EDNRB: variants seen among roughly 807,000 people sequenced by gnomAD.
EDNRB encodes the protein Hirschsprung disease 2.
EDNRB carries 18 observed loss-of-function variants against 46.4 expected under a neutral mutation model. The ratio of observed to expected loss-of-function variants is 0.39; its 90% CI spans 0.27 to 0.57. EDNRB has a LOEUF of 0.57. Ranked by LOEUF, EDNRB falls within the 20% of genes least tolerant of loss-of-function variation. The pLI, the probability that EDNRB is intolerant of heterozygous loss-of-function variation, is 0.61. For synonymous variants in EDNRB, 213 were observed against 204.9 expected (o/e 1.04, Z -0.34); for missense variants, 434 against 537.5 (o/e 0.81, Z 1.90).
chr13:77,973,587 G>A (rs918278457), intron 1 of EDNRB, among the ~76,000 whole-genome samples: 7 of 151,466 alleles, frequency 4.6e-5, no homozygotes, highest in Non-Finnish European at 5.9e-5. Flanking sequence ...AAAACAAAAC[G>A]CACATATTTT....
intron 1 of EDNRB, among the ~76,000 whole-genome samples, chr13:77,904,468 G>T (rs1879171847): frequency 6.6e-6 from 1 of 151,882 alleles, no homozygotes; most frequent in African/African-American, 2.4e-5. Context: ...CTAGAACAGT[G>T]CCTGACACAT....
rs12720105 is a variant in EDNRB at position 77,975,416 on chromosome 13, C to A, written c.-121G>T. On this transcript the variant is annotated 5_prime_UTR_variant, in exon 1 of 8. Transcript: ENST00000646948. ...GTTCAGCCACTGTGTTGATCCTCCACGGGGGCCTGCCACACACTGCTCTGG... is the reference window on the plus strand; with the variant it reads ...GTTCAGCCACTGTGTTGATCCTCCAAGGGGGCCTGCCACACACTGCTCTGG... 37,762 of 152,200 alleles carry A rather than the reference C, an allele frequency of 0.25. 5,850 individuals carry two copies. Among genetic ancestry groups the A allele is most frequent in the East Asian group, 0.54 (2,774 of 5,152 alleles). 9.4% of individuals were successfully genotyped at this position (152,200 alleles called of 1,614,324 possible).
At chr13:77,914,572 A>G (rs944924527) in intron 1 of EDNRB, among the ~76,000 whole-genome samples, 23 of 152,184 alleles carry the variant, frequency 1.5e-4, no homozygotes, top group Non-Finnish European at 2.5e-4. Flanking sequence ...GCATGTTTAC[A>G]TGAGTTTAAA....
chr13:77,928,148 C>A (rs1324687071), intron 1 of EDNRB, among the ~76,000 whole-genome samples: 1 of 152,084 alleles, frequency 6.6e-6, no homozygotes, highest in Non-Finnish European at 1.5e-5. Flanking sequence ...AATACAGGTA[C>A]ATTTAATCAT....
At chr13:77,925,059 C>T (rs1374774831) in intron 1 of EDNRB, among the ~76,000 whole-genome samples, 1 of 152,194 alleles carries the variant, frequency 6.6e-6, no homozygotes, top group East Asian at 1.9e-4. Context: ...CCATTTCTTC[C>T]TCCACCCAAT....
chr13:77,927,762 A>G (rs1880277379), intron 1 of EDNRB, among the ~76,000 whole-genome samples: 1 of 152,206 alleles, frequency 6.6e-6, no homozygotes, highest in Non-Finnish European at 1.5e-5. Context: ...TATTTGTAAG[A>G]AAAGTGTTCT....
upstream of EDNRB, among the ~76,000 whole-genome samples, chr13:77,922,334 C>A (rs1488118531): frequency 6.6e-6 from 1 of 152,164 alleles, no homozygotes; most frequent in Admixed American, 6.5e-5. Context: ...ATTCGGAATT[C>A]ATTTCTCAAA....
At chr13:77,922,205 A>G (rs1167561831), upstream of EDNRB, among the ~76,000 whole-genome samples, 2 of 151,930 alleles carry the variant, frequency 1.3e-5, no homozygotes, top group Non-Finnish European at 2.9e-5. Context: ...TAGGAAATCT[A>G]TCAAAATTCC....
chr13:77,915,038 T>A (rs1359256732), intron 1 of EDNRB, among the ~76,000 whole-genome samples: 1 of 152,126 alleles, frequency 6.6e-6, no homozygotes, highest in Non-Finnish European at 1.5e-5. Context: ...AAATTAGAAA[T>A]CACTGGTTTA....
At chr13:77,973,519 G>T (rs567831469) in intron 1 of EDNRB, among the ~76,000 whole-genome samples, 2 of 151,838 alleles carry the variant, frequency 1.3e-5, no homozygotes, top group South Asian at 2.1e-4. Context: ...AACTTTAGCC[G>T]ATGTTTACAC....
intron 1 of EDNRB, among the ~76,000 whole-genome samples, chr13:77,966,239 G>A (rs995232638): frequency 6.6e-6 from 1 of 152,096 alleles, no homozygotes; most frequent in African/African-American, 2.4e-5. Flanking sequence ...CCTTCAGGAA[G>A]CAAGGGTCAT....
At chr13:77,933,335 C>T (rs1594382585) in intron 1 of EDNRB, among the ~76,000 whole-genome samples, 1 of 152,008 alleles carries the variant, frequency 6.6e-6, no homozygotes, top group African/African-American at 2.4e-5. Context: ...CGAAGGGAGA[C>T]AGGGGTGGGG....
At chr13:77,972,988 T>C (rs976215817) in intron 1 of EDNRB, among the ~76,000 whole-genome samples, 1 of 152,058 alleles carries the variant, frequency 6.6e-6, no homozygotes, top group Non-Finnish European at 1.5e-5. Context: ...GTTTTTCTTC[T>C]TTCCACCTTT....
intron 1 of EDNRB, among the ~76,000 whole-genome samples, chr13:77,971,396 G>C (rs966190644): frequency 2.0e-5 from 3 of 152,178 alleles, no homozygotes; most frequent in Non-Finnish European, 4.4e-5. Context: ...TTGCTGCCAG[G>C]GCCCTTAGAC....
upstream of EDNRB, chr13:77,918,873 G>A (rs916438325): frequency 9.5e-6 from 12 of 1,260,252 alleles, no homozygotes; most frequent in African/African-American, 1.7e-4. This position sits in a 1 kb window ranked among gnomAD's most constrained non-coding sequence, Gnocchi z 4.5. Flanking sequence ...GCAGTGGGGC[G>A]GGGCGTTCTG....
At chr13:77,972,272 C>A (rs1188997457) in intron 1 of EDNRB, among the ~76,000 whole-genome samples, 1 of 152,208 alleles carries the variant, frequency 6.6e-6, no homozygotes, top group Non-Finnish European at 1.5e-5. Context: ...TCTGGCCTGC[C>A]ATGTGCACAA....
chr13:77,896,478 T>C lies in EDNRB; in HGVS notation c.*1722A>G, dbSNP rs945009116. The C allele has an allele frequency of 2.0e-5, 31 of 1,579,802 alleles. No individual in the cohort carries two copies. Among genetic ancestry groups the C allele is most frequent in the Non-Finnish European group, 2.4e-5 (28 of 1,160,978 alleles). ...TGCTCTTTCTTTCTGGCCACATTGT[T>C]GGGTTTTGGTTTACTGTACCATCAC... On this transcript the variant is annotated 3_prime_UTR_variant, in exon 7 of 7. Coordinates refer to ENST00000646607, the MANE Select transcript of EDNRB (RefSeq NM_001122659.3).
chr13:77,974,471 G>A (rs1881826293), intron 1 of EDNRB, among the ~76,000 whole-genome samples: 1 of 152,144 alleles, frequency 6.6e-6, no homozygotes, highest in Admixed American at 6.5e-5. Flanking sequence ...GTATTGGAGT[G>A]TTACAGGATT....
chr13:77,944,887 A>G (rs1880859072), intron 1 of EDNRB: 1 of 152,206 alleles, frequency 6.6e-6, no homozygotes. Context: ...ACAAATAGAC[A>G]TGGGAGAAAA....
Sources: gnomAD v4.1 joint callset for allele counts (sites outside exome capture counted in the v4.1 genomes callset) on GRCh38, gnomAD v4.1.1 for gene constraint, Gnocchi (gnomAD v3.1) non-coding constraint, MANE v1.5 for transcripts, NCBI Gene and HGNC (gene_info 2026-07-23, HGNC 2026-07-21) for gene names.